ZNF710: variants seen among roughly 807,000 people sequenced by gnomAD.
ZNF710 encodes zinc finger protein 710.
ZNF710 carries 13 observed loss-of-function variants against 50.6 expected under a neutral mutation model. The observed-to-expected ratio is 0.26, with a 90% confidence interval of 0.17 to 0.41. The LOEUF is 0.41. Ranked by LOEUF, ZNF710 falls within the 10% of genes least tolerant of loss-of-function variation. The pLI is 1.00. For synonymous variants in ZNF710, 383 were observed against 397.0 expected (o/e 0.96, Z 0.42); for missense variants, 721 against 936.6 (o/e 0.77, Z 3.01).
At chr15:90,058,096 C>T (rs145293833) in intron 1 of ZNF710, among the ~76,000 whole-genome samples, 1 of 152,138 alleles carries the variant, frequency 6.6e-6, no homozygotes, top group East Asian at 1.9e-4. Context: ...TAGGTGCACC[C>T]GGGCCTGGGG....
upstream of ZNF710, among the ~76,000 whole-genome samples, chr15:90,001,134 G>C (rs1898000240): frequency 6.6e-6 from 1 of 152,082 alleles, no homozygotes; most frequent in Admixed American, 6.6e-5. Flanking sequence ...AAAAACAGGA[G>C]AAAGAAAACC....
chr15:90,012,208 GAA>G (rs1281045821), intron 1 of ZNF710, among the ~76,000 whole-genome samples: 2 of 108,154 alleles, frequency 1.8e-5, no homozygotes, highest in Admixed American at 9.7e-5. Context: ...CATCTCAAAA[GAA>G]AAAAAAAAAG....
chr15:90,012,723 ATT>A (rs1314282850), intron 1 of ZNF710, among the ~76,000 whole-genome samples: 1 of 151,902 alleles, frequency 6.6e-6, no homozygotes, highest in African/African-American at 2.4e-5. Flanking sequence ...TCACTGAGGT[ATT>A]TTTAATATCA....
chr15:90,078,890 C>T (rs932991019), intron 4 of ZNF710, among the ~76,000 whole-genome samples: 4 of 152,232 alleles, frequency 2.6e-5, no homozygotes, highest in Admixed American at 2.0e-4. Flanking sequence ...CCAGTTCCCC[C>T]AGATCCTACC....
intron 2 of ZNF710, among the ~76,000 whole-genome samples, chr15:90,069,214 G>A (rs1900292402): frequency 7.4e-6 from 1 of 134,514 alleles, no homozygotes; most frequent in Admixed American, 8.0e-5. Flanking sequence ...GGCAACAGGA[G>A]CAAAACTCCA....
At position 90,068,674 on chromosome 15, in the gene ZNF710, T is replaced by A; in HGVS notation, c.1458+79T>A. On this transcript the variant is annotated intron_variant, in intron 2 of 4. Transcript: ENST00000268154. The surrounding 1 kb of genome is among the most constrained non-coding windows in gnomAD (Gnocchi z 5.0). ...ATCCAGTACTTTCCAAAGTCCCAGA[T>A]GGGACCATTTAGGTGGTCTCCTAGT... The A allele has an allele frequency of 6.8e-7, 1 of 1,472,736 alleles. No individual in the cohort carries two copies. The highest frequency in any genetic ancestry group is 9.1e-7 in the Non-Finnish European group (1 of 1,101,926). The allele number at this position is 1,472,736 out of a possible 1,614,324, so 91.2% of individuals were successfully genotyped here.
rs940030638 is a variant in ZNF710 at position 90,040,032 on chromosome 15, T to C, written c.-28-27078T>C. Among the ~76,000 whole-genome samples, 2 of 152,158 alleles carry C rather than the reference T, an allele frequency of 1.3e-5. No individual in the cohort carries two copies. The highest frequency in any genetic ancestry group is 4.8e-5 in the African/African-American group (2 of 41,442). On this transcript the variant is annotated intron_variant, in intron 1 of 4. Coordinates refer to ENST00000268154, the MANE Select transcript of ZNF710 (RefSeq NM_198526.4). This position sits in a 1 kb window ranked among gnomAD's most constrained non-coding sequence, Gnocchi z 4.6. The stretch of plus-strand genomic sequence containing the variant: ...CAAGTGTAATCTTGCTATCACATAT[T>C]AGGAAAGACCATAATGTACAGCAGA...
intron 1 of ZNF710, among the ~76,000 whole-genome samples, chr15:90,020,488 G>C (rs529123885): frequency 0.1 from 4,239 of 42,306 alleles, 210 homozygotes; most frequent in African/African-American, 0.23. Context: ...CTGCCTCCCC[G>C]CCCCCGGGGA....
intron 4 of ZNF710, among the ~76,000 whole-genome samples, chr15:90,079,329 G>C (rs1156669133): frequency 6.6e-6 from 1 of 152,214 alleles, no homozygotes; most frequent in Non-Finnish European, 1.5e-5. Context: ...TTGCAGAGAA[G>C]GGATAAGTAG....
rs1900674647 is a variant in ZNF710, at chr15:90,079,662, C to G, written c.1828C>G (p.Pro610Ala). 1.9e-6 allele frequency: 3 copies of G among 1,612,964 alleles called. No homozygotes were observed. In the South Asian group the frequency reaches 3.3e-5, roughly 18 times the overall value. ...CTGACTGTGCCCCTCTCTTACAGAC[C>G]CCATGATGGAGCTGACAGGCACTGA... The part of the protein sequence containing the change: ...VMDIGLDSQD[P>A]MMELTGTDPS... Residue 610 changes from proline to alanine, a missense_variant and splice_region_variant, in exon 5 of 5, where the codon CCC becomes GCC. Transcript: ENST00000268154.
At chr15:90,007,040 G>C (rs1365856974) in intron 1 of ZNF710, among the ~76,000 whole-genome samples, 2 of 152,130 alleles carry the variant, frequency 1.3e-5, no homozygotes, top group Non-Finnish European at 2.9e-5. Context: ...GCAGACTCTA[G>C]TCCATGCTCT....
intron 3 of ZNF710, among the ~76,000 whole-genome samples, chr15:90,073,766 A>C (rs1475292681): frequency 6.6e-6 from 1 of 151,990 alleles, no homozygotes; most frequent in African/African-American, 2.4e-5. Context: ...AGGTGGGTGG[A>C]TCATTTGAGG....
intron 1 of ZNF710, among the ~76,000 whole-genome samples, chr15:90,043,490 G>C (rs1899363957): frequency 6.6e-6 from 1 of 152,266 alleles, no homozygotes. Flanking sequence ...ACTCCCCTTG[G>C]GGGTGTAACC....
Position 90,034,224 on chromosome 15 carries a change from AAAG to A in ZNF710, c.-29+32613_-29+32615del, listed in dbSNP as rs1159023927. On this transcript the variant is annotated intron_variant, in intron 1 of 4. Coordinates refer to ENST00000268154, the MANE Select transcript of ZNF710 (RefSeq NM_198526.4). This position sits in a 1 kb window ranked among gnomAD's most constrained non-coding sequence, Gnocchi z 4.0. ...AAAAAAAAGAAAAGAAAAGAAAAGAAAAGAAAACAGGTGAACGACAGTCACTCC... is the reference window on the plus strand; with the variant it reads ...AAAAAAAAGAAAAGAAAAGAAAAGAAAAAACAGGTGAACGACAGTCACTCC... 6.6e-6 allele frequency among the ~76,000 whole-genome samples: 1 copy of A among 151,944 alleles called. No homozygotes were observed. The highest frequency in any genetic ancestry group is 1.9e-4 in the East Asian group (1 of 5,198).
At chr15:90,029,895 G>A (rs1448145434) in intron 1 of ZNF710, among the ~76,000 whole-genome samples, 6 of 151,830 alleles carry the variant, frequency 4.0e-5, no homozygotes, top group East Asian at 2.0e-4. Flanking sequence ...GATTACAGGC[G>A]TGACCCACCG....
At chr15:90,050,168 C>A (rs1899595170) in intron 1 of ZNF710, among the ~76,000 whole-genome samples, 1 of 152,260 alleles carries the variant, frequency 6.6e-6, no homozygotes, top group Non-Finnish European at 1.5e-5. Context: ...ATTCTTTACT[C>A]CTCCTGGCAT....
chr15:90,063,940 C>A (rs937483313), intron 1 of ZNF710, among the ~76,000 whole-genome samples: 7 of 152,296 alleles, frequency 4.6e-5, no homozygotes, highest in African/African-American at 1.7e-4. Flanking sequence ...TCTTCCCCCC[C>A]ATAGAGATGA....
At chr15:90,031,622 C>A (rs1402484670) in intron 1 of ZNF710, among the ~76,000 whole-genome samples, 3 of 152,242 alleles carry the variant, frequency 2.0e-5, no homozygotes, top group Non-Finnish European at 4.4e-5. Context: ...GCTTGTTTTG[C>A]ATTCCCAAGA....
chr15:90,002,731 C>T (rs1376669136), intron 1 of ZNF710, among the ~76,000 whole-genome samples: 2 of 152,244 alleles, frequency 1.3e-5, no homozygotes, highest in Non-Finnish European at 2.9e-5. Flanking sequence ...GCTGCAACTG[C>T]TTCCCTCCAG....
Sources: gnomAD v4.1 joint callset for allele counts (sites outside exome capture counted in the v4.1 genomes callset) on GRCh38, gnomAD v4.1.1 for gene constraint, Gnocchi (gnomAD v3.1) non-coding constraint, MANE v1.5 for transcripts, NCBI Gene and HGNC (gene_info 2026-07-23, HGNC 2026-07-21) for gene names.